The following PLEKHA7 variants were observed in gnomAD, a reference collection of about 807,000 sequenced individuals.
The protein encoded by PLEKHA7 is pleckstrin homology domain-containing family A member 7.
PLEKHA7 carries 104 observed loss-of-function variants against 170.0 expected under a neutral mutation model. The observed-to-expected ratio is 0.61, with a 90% CI of 0.52 to 0.72. The LOEUF is 0.72. Ranked by LOEUF, PLEKHA7 falls within the 30% of genes least tolerant of loss-of-function variation. The pLI, the probability that PLEKHA7 is intolerant of heterozygous loss-of-function variation, is 0.00. For synonymous variants in PLEKHA7, 648 were observed against 660.8 expected (o/e 0.98, Z 0.30); for missense variants, 1,615 against 1,671.7 (o/e 0.97, Z 0.59).
intron 10 of PLEKHA7, among the ~76,000 whole-genome samples, chr11:16,818,039 C>T (rs1349602338): frequency 1.3e-5 from 2 of 152,034 alleles, no homozygotes; most frequent in African/African-American, 4.8e-5. Flanking sequence ...GGGCCCAAAA[C>T]TGAAGGAAGT....
intron 3 of PLEKHA7, among the ~76,000 whole-genome samples, chr11:17,006,619 T>A: frequency 8.5e-6 from 1 of 117,900 alleles, no homozygotes; most frequent in African/African-American, 3.1e-5. Flanking sequence ...ACAGCAAGAC[T>A]CAGTCTCAAA....
At chr11:17,001,968 C>T (rs1050244966) in intron 3 of PLEKHA7, among the ~76,000 whole-genome samples, 2 of 152,380 alleles carry the variant, frequency 1.3e-5, no homozygotes, top group Non-Finnish European at 1.5e-5. Flanking sequence ...CTGAAAGAGA[C>T]AGCCTGGCTC....
At chr11:16,893,038 T>A (rs1164016542) in intron 3 of PLEKHA7, among the ~76,000 whole-genome samples, 1 of 152,198 alleles carries the variant, frequency 6.6e-6, no homozygotes, top group Non-Finnish European at 1.5e-5. Flanking sequence ...CTTCAAGCTT[T>A]CTCTTGTAGC....
In PLEKHA7 at chr11:16,816,177, C is replaced by A. The variant is rs147295552; in HGVS notation, c.1953+1G>T. 1 of 1,609,430 alleles carries A rather than the reference C, an allele frequency of 6.2e-7. No individual in the cohort carries two copies. The highest frequency in any genetic ancestry group is 8.5e-7 in the Non-Finnish European group (1 of 1,175,828). ...AGGCTATGTCTTGTCATTCACCCTA[C>A]CGATTTTCCATGTAAACTGGGAGCG... is the stretch of plus-strand genomic sequence containing the variant. On this transcript the variant is annotated splice_donor_variant, in intron 12 of 26. Transcript: ENST00000531066. LOFTEE classifies it high-confidence loss of function.
intron 24 of PLEKHA7, among the ~76,000 whole-genome samples, chr11:16,785,444 G>A (rs990466259): frequency 2.0e-5 from 3 of 152,170 alleles, no homozygotes; most frequent in Admixed American, 6.5e-5. Flanking sequence ...GATGTACCAC[G>A]TACCCACTGT....
chr11:17,009,482 C>T (rs2137120208), intron 3 of PLEKHA7, among the ~76,000 whole-genome samples: 1 of 152,108 alleles, frequency 6.6e-6, no homozygotes, highest in African/African-American at 2.4e-5. Flanking sequence ...TTTCAAAGAC[C>T]CAAAAAGATT....
intron 23 of PLEKHA7, 67 bp from the exon 24 acceptor site, chr11:16,786,454 T>G: frequency 6.6e-7 from 1 of 1,522,872 alleles, no homozygotes; most frequent in Non-Finnish European, 8.8e-7. Flanking sequence ...GCTGGTCACC[T>G]TTTTCCATGG....
intron 3 of PLEKHA7, among the ~76,000 whole-genome samples, chr11:16,909,232 ATG>A (rs1205363747): frequency 6.6e-6 from 1 of 152,156 alleles, no homozygotes; most frequent in African/African-American, 2.4e-5. Context: ...GCGGGAGAAA[ATG>A]TGTGACCAAG....
intron 3 of PLEKHA7, among the ~76,000 whole-genome samples, chr11:16,954,776 C>T (rs1315770835): frequency 2.0e-5 from 3 of 151,730 alleles, no homozygotes; most frequent in African/African-American, 7.3e-5. Context: ...CTGCAACCTC[C>T]GCCTCCCAGG....
chr11:16,829,157 G>T (rs1850902066), intron 9 of PLEKHA7, among the ~76,000 whole-genome samples: 1 of 149,994 alleles, frequency 6.7e-6, no homozygotes, highest in Admixed American at 6.7e-5. Context: ...GTGCATGCAT[G>T]TTTTAATTAG....
chr11:16,811,698 C>A, intron 13 of PLEKHA7, among the ~76,000 whole-genome samples: 1 of 152,194 alleles, frequency 6.6e-6, no homozygotes, highest in South Asian at 2.1e-4. Context: ...ACAGTCCTGG[C>A]CTTGAGAGAA....
chr11:16,995,189 A>G (rs944583808), intron 3 of PLEKHA7, among the ~76,000 whole-genome samples: 5 of 152,206 alleles, frequency 3.3e-5, no homozygotes, highest in Admixed American at 3.3e-4. Context: ...TCACACCACA[A>G]GCTAGTCAGT....
intron 3 of PLEKHA7, among the ~76,000 whole-genome samples, chr11:16,889,420 A>AAAAAAAAAATAT (rs61086849): frequency 1.8e-3 from 136 of 74,624 alleles, no homozygotes; most frequent in Non-Finnish European, 2.2e-3. Context: ...AAAAAAAAAA[A>AAAAAAAAAATAT]ATATATATAT....
Position 16,789,996 on chromosome 11 carries a change from A to G in PLEKHA7, c.3053-118T>C. ...AGCACCCAGTCAATGACCCACCCTT[A>G]TTTCTCTTCTTCCTCCCCAGGGCAT... On this transcript the variant is annotated intron_variant, in intron 21 of 26. Transcript: ENST00000531066. The surrounding 1 kb of genome is among the most constrained non-coding windows in gnomAD (Gnocchi z 4.6). The G allele has an allele frequency of 2.3e-6, 2 of 883,394 alleles. No homozygotes were observed. The highest frequency in any genetic ancestry group is 3.6e-6 in the Non-Finnish European group (2 of 552,652). 54.7% of individuals were successfully genotyped at this position (883,394 alleles called of 1,614,324 possible). A position where few individuals can be genotyped will look rare whatever the true frequency, so the allele number is the denominator to read the frequency against.
intron 3 of PLEKHA7, among the ~76,000 whole-genome samples, chr11:16,971,205 AC>A: frequency 6.6e-6 from 1 of 152,194 alleles, no homozygotes; most frequent in East Asian, 1.9e-4. Flanking sequence ...CAATTTCTTC[AC>A]CAATAAAAGG....
rs1170057810 is a variant in PLEKHA7 at position 16,841,631 on chromosome 11, C to A, written c.788G>T (p.Ser263Ile). The stretch of plus-strand genomic sequence containing the variant: ...GTTCATGTCCTCCTGGGTGTCGGCA[C>A]TGAAGTAGTAGGTCCTCATGCCTGA... ...EQSGMRTYYFSADTQEDMNAW... is the reference protein window; with the variant it reads ...EQSGMRTYYFIADTQEDMNAW... The change falls in exon 9 of 27, where the codon AGT becomes ATT. Residue 263 changes from serine (S) to isoleucine (I), a missense_variant. Transcript: ENST00000531066. 3.1e-6 allele frequency: 5 copies of A among 1,614,050 alleles called. No homozygotes were observed. Among genetic ancestry groups the A allele is most frequent in the Non-Finnish European group, 4.2e-6 (5 of 1,180,054 alleles).
At chr11:17,011,279 C>T (rs1470937839) in intron 3 of PLEKHA7, among the ~76,000 whole-genome samples, 2 of 152,146 alleles carry the variant, frequency 1.3e-5, no homozygotes, top group Non-Finnish European at 2.9e-5. Context: ...GGATCCCATC[C>T]CTCTCACCTT....
At chr11:16,893,139 T>C (rs1264357136) in intron 3 of PLEKHA7, among the ~76,000 whole-genome samples, 3 of 152,244 alleles carry the variant, frequency 2.0e-5, no homozygotes, top group African/African-American at 7.2e-5. Context: ...AACGGTTATG[T>C]CAACACTACA....
intron 3 of PLEKHA7, among the ~76,000 whole-genome samples, chr11:16,973,403 C>A (rs1278177123): frequency 6.6e-6 from 1 of 152,208 alleles, no homozygotes; most frequent in African/African-American, 2.4e-5. Flanking sequence ...ACAGGGCTCC[C>A]AGATCGACCC....
Sources: gnomAD v4.1 joint callset for allele counts (sites outside exome capture counted in the v4.1 genomes callset) on GRCh38, gnomAD v4.1.1 for gene constraint, Gnocchi (gnomAD v3.1) non-coding constraint, MANE v1.5 for transcripts, NCBI Gene and HGNC (gene_info 2026-07-23, HGNC 2026-07-21) for gene names.